The following SNX24 variants were observed in gnomAD, a reference collection of about 807,000 sequenced individuals.
The protein encoded by SNX24 is sorting nexin 24.
Under a neutral mutation model 28.7 loss-of-function variants are expected in SNX24, and 22 were observed. The observed-to-expected ratio is 0.77, with a 90% CI of 0.55 to 1.10. The LOEUF (loss-of-function observed/expected upper bound fraction) is 1.10. SNX24 is among the 50% of genes least tolerant of loss of function. The pLI, the probability that SNX24 is intolerant of heterozygous loss-of-function variation, is 0.00. For missense variants in SNX24, 221 were observed against 201.1 expected (o/e 1.10, Z -0.60); for synonymous variants, 69 against 71.5 (o/e 0.96, Z 0.18).
intron 3 of SNX24, among the ~76,000 whole-genome samples, chr5:122,966,575 G>C (rs1279670753): frequency 6.6e-6 from 1 of 152,190 alleles, no homozygotes; most frequent in Non-Finnish European, 1.5e-5. Flanking sequence ...TTGACCCCTA[G>C]ACTAGAGGCT....
chr5:123,015,470 C>A (rs975450022), intron 5 of SNX24, among the ~76,000 whole-genome samples: 3 of 152,150 alleles, frequency 2.0e-5, no homozygotes, highest in African/African-American at 4.8e-5. Flanking sequence ...AATGTCTATT[C>A]TTTTTACAAA....
At chr5:122,897,434 A>G (rs1757250039) in intron 1 of SNX24, among the ~76,000 whole-genome samples, 1 of 152,126 alleles carries the variant, frequency 6.6e-6, no homozygotes, top group Non-Finnish European at 1.5e-5. Context: ...CTTATTTTGG[A>G]TGCATTCATA....
At chr5:122,958,946 C>G (rs1047107337) in intron 3 of SNX24, among the ~76,000 whole-genome samples, 2 of 152,078 alleles carry the variant, frequency 1.3e-5, no homozygotes, top group Admixed American at 1.3e-4. Context: ...GAATTTTTGT[C>G]TGTAGTTTTC....
chr5:123,018,914 T>A (rs1762724769), intron 5 of SNX24, among the ~76,000 whole-genome samples: 1 of 152,192 alleles, frequency 6.6e-6, no homozygotes, highest in African/African-American at 2.4e-5. Context: ...CTCGAACTCC[T>A]GACCTTGTGA....
chr5:122,997,867 T>C (rs750263795), intron 3 of SNX24, among the ~76,000 whole-genome samples: 3 of 84,110 alleles, frequency 3.6e-5, no homozygotes, highest in Admixed American at 1.2e-4. Context: ...GTAACAAGTC[T>C]GCATGTGTTA....
chr5:122,906,572 G>A (rs577861109), intron 1 of SNX24, among the ~76,000 whole-genome samples: 25 of 152,118 alleles, frequency 1.6e-4, no homozygotes, highest in Non-Finnish European at 2.6e-4. Flanking sequence ...GCAGCGGTGC[G>A]ATCTTGGCTC....
intron 5 of SNX24, among the ~76,000 whole-genome samples, chr5:123,021,224 T>C (rs1381526538): frequency 6.6e-6 from 1 of 152,148 alleles, no homozygotes; most frequent in Non-Finnish European, 1.5e-5. Context: ...TGTTGTGTTA[T>C]ATATTCATGT....
At chr5:122,975,787 G>A (rs182585467) in intron 3 of SNX24, among the ~76,000 whole-genome samples, 6 of 152,248 alleles carry the variant, frequency 3.9e-5, no homozygotes. Context: ...ATGAGATAAG[G>A]TATTAACTTT....
intron 1 of SNX24, among the ~76,000 whole-genome samples, chr5:122,910,773 C>T (rs1274678892): frequency 6.6e-6 from 1 of 151,854 alleles, no homozygotes; most frequent in Non-Finnish European, 1.5e-5. Flanking sequence ...CCAATTTCAT[C>T]CATGTCCCTA....
chr5:122,975,406 A>G (rs1470073034), intron 3 of SNX24, among the ~76,000 whole-genome samples: 1 of 151,942 alleles, frequency 6.6e-6, no homozygotes, highest in African/African-American at 2.4e-5. Context: ...ACATAATCCT[A>G]TATTTCAATG....
At chr5:122,921,190 C>G (rs954200675) in intron 1 of SNX24, among the ~76,000 whole-genome samples, 2 of 151,904 alleles carry the variant, frequency 1.3e-5, no homozygotes, top group Non-Finnish European at 2.9e-5. Flanking sequence ...ATCTTTCCTA[C>G]TCTCCGCTGT....
At chr5:122,870,415 G>C (rs1010926761) in intron 1 of SNX24, among the ~76,000 whole-genome samples, 1 of 152,200 alleles carries the variant, frequency 6.6e-6, no homozygotes, top group Non-Finnish European at 1.5e-5. Flanking sequence ...CACATCTAGT[G>C]AATAGCAGTG....
intron 5 of SNX24, chr5:123,025,853 A>G: frequency 6.2e-7 from 1 of 1,614,190 alleles, no homozygotes; most frequent in Non-Finnish European, 8.5e-7. Context: ...TCAAGGTGAT[A>G]AAGAACTGAG....
chr5:122,944,050 C>T (rs1759575443), intron 2 of SNX24, among the ~76,000 whole-genome samples: 1 of 152,196 alleles, frequency 6.6e-6, no homozygotes, highest in Non-Finnish European at 1.5e-5. Flanking sequence ...TCTTTGATTG[C>T]ATGTAGTAGA....
intron 3 of SNX24, among the ~76,000 whole-genome samples, chr5:122,974,058 G>A (rs1025918806): frequency 6.6e-6 from 1 of 152,138 alleles, no homozygotes; most frequent in Non-Finnish European, 1.5e-5. Context: ...AAATGGGCTG[G>A]AGTAATGTGT....
intron 1 of SNX24, among the ~76,000 whole-genome samples, 192 bp from the exon 2 acceptor site, chr5:122,936,542 T>C (rs964888923): frequency 2.0e-5 from 3 of 152,168 alleles, no homozygotes; most frequent in African/African-American, 7.2e-5. Flanking sequence ...GATGTCACAC[T>C]TTGTTAGTGA....
chr5:122,957,817 T>G (rs1027410350), intron 3 of SNX24, among the ~76,000 whole-genome samples: 3 of 152,212 alleles, frequency 2.0e-5, no homozygotes, highest in African/African-American at 7.2e-5. Flanking sequence ...TTAATTTCCT[T>G]TTTGGATTGT....
At chr5:122,900,732 G>A (rs1373738426) in intron 1 of SNX24, among the ~76,000 whole-genome samples, 1 of 152,064 alleles carries the variant, frequency 6.6e-6, no homozygotes, top group Non-Finnish European at 1.5e-5. Flanking sequence ...TCACACTACT[G>A]CACTCCAGCC....
chr5:123,011,702 A>G (rs1762581995), downstream of SNX24, among the ~76,000 whole-genome samples: 1 of 152,170 alleles, frequency 6.6e-6, no homozygotes, highest in Non-Finnish European at 1.5e-5. Flanking sequence ...AGAAATTGCA[A>G]CCCTTGTAAC....
Sources: gnomAD v4.1 joint callset for allele counts (sites outside exome capture counted in the v4.1 genomes callset) on GRCh38, gnomAD v4.1.1 for gene constraint, MANE v1.5 for transcripts, NCBI Gene and HGNC (gene_info 2026-07-23, HGNC 2026-07-21) for gene names.